The following KIF27 variants were observed in gnomAD, a reference collection of about 807,000 sequenced individuals.
KIF27 encodes the protein kinesin-like protein KIF27.
KIF27 carries 84 observed loss-of-function variants against 141.8 expected under a neutral mutation model. That is an observed-to-expected ratio of 0.59 (90% CI 0.50 to 0.71). The LOEUF (loss-of-function observed/expected upper bound fraction) is 0.71, where lower values mean the gene tolerates loss of function less well. Among genes scored for constraint, KIF27 ranks in the 30% least tolerant of loss-of-function variants. KIF27 has a pLI of 0.00. For missense variants in KIF27, 1,306 were observed against 1,628.4 expected (o/e 0.80, Z 3.41); for synonymous variants, 471 against 569.5 (o/e 0.83, Z 2.46).
intron 12 of KIF27, among the ~76,000 whole-genome samples, chr9:83,868,974 C>T (rs1950567415): frequency 6.6e-6 from 1 of 151,820 alleles, no homozygotes. Context: ...CTTAAATACT[C>T]CGGTAGGAGA....
At chr9:83,845,081 T>C (rs1334957070) in intron 16 of KIF27, among the ~76,000 whole-genome samples, 1 of 152,214 alleles carries the variant, frequency 6.6e-6, no homozygotes, top group Non-Finnish European at 1.5e-5. Flanking sequence ...CCAATGGTGC[T>C]TGAGGTGTCA....
chr9:83,885,601 C>T (rs1218828626), intron 9 of KIF27, among the ~76,000 whole-genome samples: 1 of 151,602 alleles, frequency 6.6e-6, no homozygotes, highest in Admixed American at 6.6e-5. Context: ...ATTTTATGAA[C>T]CACTAAAAAA....
Position 83,903,465 on chromosome 9 carries a change from G to C in KIF27, c.1053C>G (p.Pro351=), listed in dbSNP as rs139068232. ...CCATTTCATCTATACGGTCTGACTC[G>C]GGGCTGAAGTTTACAGTGGGTTTGT... ...IRNKPTVNFS[P]ESDRIDEMEF... is the part of the protein sequence containing the mutation. Residue 351 remains proline (P), a synonymous_variant, in exon 4 of 18, where the codon CCC becomes CCG. Transcript: ENST00000297814. The C allele has an allele frequency of 1.9e-6, 3 of 1,614,034 alleles. No individual in the cohort carries two copies. The highest frequency in any genetic ancestry group is 1.7e-5 in the Admixed American group (1 of 60,000).
At chr9:83,913,851 A>T (rs970846) in intron 2 of KIF27, among the ~76,000 whole-genome samples, 20,191 of 152,206 alleles carry the variant, frequency 0.13, 1,432 homozygotes, top group African/African-American at 0.14. Context: ...ATATGCATCA[A>T]ACTTATTTCT....
intron 15 of KIF27, among the ~76,000 whole-genome samples, chr9:83,850,895 T>C (rs541695973): frequency 1.6e-5 from 2 of 121,966 alleles, no homozygotes; most frequent in African/African-American, 6.6e-5. Context: ...TGGAGTGCAG[T>C]GGTGCAATCT....
At position 83,891,278 on chromosome 9, in the gene KIF27, G is replaced by A. The variant is rs376338285; in HGVS notation, c.1809+17C>T. ...TTTTTTAATCTCCAAATAAGGAAAAGATTGTTTGGACTTTACCTTCCTGGA... is the reference window on the plus strand; with the variant it reads ...TTTTTTAATCTCCAAATAAGGAAAAAATTGTTTGGACTTTACCTTCCTGGA... On this transcript the variant is annotated intron_variant, in intron 6 of 17. Coordinates refer to ENST00000297814, the MANE Select transcript of KIF27 (RefSeq NM_017576.4). 51 of 1,602,488 alleles carry A rather than the reference G, an allele frequency of 3.2e-5. No homozygotes were observed. Among genetic ancestry groups the A allele is most frequent in the Non-Finnish European group, 4.2e-5 (49 of 1,172,124 alleles).
intron 10 of KIF27, among the ~76,000 whole-genome samples, chr9:83,881,395 C>A (rs1444294865): frequency 6.6e-6 from 1 of 152,134 alleles, no homozygotes; most frequent in Non-Finnish European, 1.5e-5. Context: ...TAATTATTTC[C>A]TTTATTTTGG....
intron 11 of KIF27, among the ~76,000 whole-genome samples, chr9:83,875,068 G>T (rs1191577760): frequency 6.6e-6 from 1 of 152,076 alleles, no homozygotes; most frequent in Non-Finnish European, 1.5e-5. Flanking sequence ...TTTAGAGAGT[G>T]CTATGTCTTG....
intron 11 of KIF27, among the ~76,000 whole-genome samples, chr9:83,875,483 G>A (rs1201333882): frequency 6.6e-6 from 1 of 152,100 alleles, no homozygotes; most frequent in African/African-American, 2.4e-5. Flanking sequence ...ACAGACTTGG[G>A]ATTAAGCATT....
intron 4 of KIF27, among the ~76,000 whole-genome samples, chr9:83,901,136 T>G (rs1385047730): frequency 6.6e-5 from 10 of 152,106 alleles, no homozygotes; most frequent in Non-Finnish European, 1.3e-4. Flanking sequence ...TTTTTTGATT[T>G]TTTGTAGAAA....
At chr9:83,880,536 C>T in intron 10 of KIF27, 42 bp from the exon 11 acceptor site, 1 of 1,375,452 alleles carries the variant, frequency 7.3e-7, no homozygotes, top group South Asian at 1.2e-5. Flanking sequence ...AACTGAATCT[C>T]TCACAATCCT....
chr9:83,915,555 T>C lies in KIF27; in HGVS notation c.37A>G (p.Arg13Gly), dbSNP rs1435102395. The change falls in exon 2 of 18, where the codon AGA becomes GGA. Residue 13 changes from arginine (R) to glycine (G), a missense_variant. This residue lies in a region of KIF27 where 533 missense variants were observed against 565.6 expected (regional missense o/e 0.94). Coordinates refer to ENST00000297814, the MANE Select transcript of KIF27 (RefSeq NM_017576.4). ...EIPVKVAVRI[R>G]PLLCKEALHN... ...AGAGCTTCTTTGCAAAGCAGAGGTC[T>C]AATTCTTACAGCAACTTTTACTGGT... is the stretch of plus-strand genomic sequence containing the variant. The C allele has an allele frequency of 1.2e-6, 2 of 1,608,784 alleles. No homozygotes were observed. Among genetic ancestry groups the C allele is most frequent in the Non-Finnish European group, 1.7e-6 (2 of 1,178,214 alleles).
chr9:83,901,848 G>A (rs1953933990), intron 4 of KIF27, among the ~76,000 whole-genome samples: 1 of 152,060 alleles, frequency 6.6e-6, no homozygotes, highest in African/African-American at 2.4e-5. Flanking sequence ...ACTCCAGCCT[G>A]GCGAGAGAGC....
intron 4 of KIF27, 27 bp downstream of exon 4, chr9:83,903,033 A>G: frequency 7.2e-7 from 1 of 1,380,304 alleles, no homozygotes; most frequent in Non-Finnish European, 1.0e-6. Context: ...AAATAAATAA[A>G]TAAATAAATA....
chr9:83,867,245 A>G (rs1950436893), intron 13 of KIF27, among the ~76,000 whole-genome samples: 1 of 152,202 alleles, frequency 6.6e-6, no homozygotes, highest in Non-Finnish European at 1.5e-5. Flanking sequence ...TTATCCATTC[A>G]TCACTTGATG....
rs376924107 is a variant in KIF27, at chr9:83,850,063, C to A, written c.3556+36G>T. ...TCTTCCTTCAGTACCCACACCTACA[C>A]ATCAACCTTACATAACTGTCAAAAG... is the stretch of plus-strand genomic sequence containing the variant. On this transcript the variant is annotated intron_variant, in intron 16 of 17. Coordinates refer to ENST00000297814, the MANE Select transcript of KIF27 (RefSeq NM_017576.4). The A allele has an allele frequency of 5.1e-6, 8 of 1,554,510 alleles. No individual in the cohort carries two copies. The Admixed American group carries it at 6.7e-5, about 13-fold the overall frequency.
Position 83,862,528 on chromosome 9 carries a change from G to A in KIF27, c.2935-3157C>T, listed in dbSNP as rs1466708964. The stretch of plus-strand genomic sequence containing the variant: ...CTGAGGGCTCTGTTCTGTTCCACTG[G>A]TCTATATCTCTGTTTTGGTACCAGT... On this transcript the variant is annotated intron_variant, in intron 13 of 17. Coordinates refer to ENST00000297814, the MANE Select transcript of KIF27 (RefSeq NM_017576.4). 4.6e-5 allele frequency among the ~76,000 whole-genome samples: 7 copies of A among 151,962 alleles called. No individual in the cohort carries two copies. In the East Asian group the frequency reaches 5.8e-4, roughly 13 times the overall value.
In KIF27 at chr9:83,848,253, T is replaced by C. The variant is rs1280751507; in HGVS notation, c.3556+1846A>G. On this transcript the variant is annotated intron_variant, in intron 16 of 17. Transcript: ENST00000297814. Reference sequence around the variant, plus strand: ...TATGATATATATGATATATCAGATATGATATATATGATATATCAGATATGA... The same window carrying C: ...TATGATATATATGATATATCAGATACGATATATATGATATATCAGATATGA... 3.2e-5 allele frequency among the ~76,000 whole-genome samples: 3 copies of C among 93,510 alleles called. 1 individual carries two copies. The highest frequency in any genetic ancestry group is 4.3e-5 in the Non-Finnish European group (2 of 46,412). The allele number at this position is 93,510 out of a possible 152,430, so 61.3% of individuals were successfully genotyped here. A position where few individuals can be genotyped will look rare whatever the true frequency, so the allele number is the denominator to read the frequency against.
At chr9:83,896,051 C>CAAAAAAAAA (rs35504224) in intron 5 of KIF27, among the ~76,000 whole-genome samples, 46 of 54,492 alleles carry the variant, frequency 8.4e-4, no homozygotes, top group Middle Eastern at 0.019. Flanking sequence ...GACTCTGTCT[C>CAAAAAAAAA]AAAAAAAAAA....
Sources: allele counts gnomAD v4.1 joint callset (sites outside exome capture counted in the v4.1 genomes callset), GRCh38; gene constraint gnomAD v4.1.1; regional missense constraint gnomAD v4.1.1; transcripts MANE v1.5; gene names NCBI Gene and HGNC (gene_info 2026-07-23, HGNC 2026-07-21).